The following BRINP2 variants were observed in gnomAD, a reference collection of about 807,000 sequenced individuals.
BRINP2 encodes BMP/retinoic acid inducible neural specific 2, also known as BMP/retinoic acid-inducible neural-specific protein 2.
In BRINP2, 21 loss-of-function variants were observed where a neutral mutation model predicts 69.2. That is an observed-to-expected ratio of 0.30 (90% CI 0.22 to 0.44). BRINP2 has a LOEUF of 0.44. Among genes scored for constraint, BRINP2 ranks in the 20% least tolerant of loss-of-function variants. The pLI, the probability that BRINP2 is intolerant of heterozygous loss-of-function variation, is 1.00. For missense variants in BRINP2, 877 were observed against 986.0 expected (o/e 0.89, Z 1.48); for synonymous variants, 380 against 394.1 (o/e 0.96, Z 0.42).
intron 2 of BRINP2, among the ~76,000 whole-genome samples, chr1:177,243,733 T>C (rs1008363741): frequency 6.6e-5 from 10 of 152,202 alleles, no homozygotes; most frequent in African/African-American, 2.4e-4. Context: ...TTTTTGCTCA[T>C]GTCACACTCC....
intron 1 of BRINP2, among the ~76,000 whole-genome samples, chr1:177,206,653 G>A (rs1649077922): frequency 6.6e-6 from 1 of 152,152 alleles, no homozygotes; most frequent in Non-Finnish European, 1.5e-5. Context: ...AGAACTGTGT[G>A]GAGACAGTGG....
chr1:177,172,133 T>C (rs1412171662), intron 1 of BRINP2, among the ~76,000 whole-genome samples: 1 of 152,234 alleles, frequency 6.6e-6, no homozygotes, highest in Non-Finnish European at 1.5e-5. Flanking sequence ...TCATTATGTT[T>C]GGGAAGGAGC....
intron 6 of BRINP2, among the ~76,000 whole-genome samples, 176 bp from the exon 7 acceptor site, chr1:177,278,387 A>G (rs1651570531): frequency 6.6e-6 from 1 of 152,142 alleles, no homozygotes; most frequent in Non-Finnish European, 1.5e-5. Flanking sequence ...CAACATGTTA[A>G]TTATTTCTCA....
intron 1 of BRINP2, among the ~76,000 whole-genome samples, chr1:177,209,421 G>C (rs567240295): frequency 6.6e-6 from 1 of 152,096 alleles, no homozygotes; most frequent in Non-Finnish European, 1.5e-5. Flanking sequence ...TCTTCCTGCT[G>C]AATCACCAGC....
intron 6 of BRINP2, among the ~76,000 whole-genome samples, chr1:177,277,193 T>C (rs1651527944): frequency 1.3e-5 from 2 of 149,026 alleles, no homozygotes; most frequent in South Asian, 4.1e-4. Flanking sequence ...CATATAATAC[T>C]ATAATTTATT....
chr1:177,258,934 A>G (rs1270055413), intron 4 of BRINP2, among the ~76,000 whole-genome samples: 2 of 152,144 alleles, frequency 1.3e-5, no homozygotes, highest in Non-Finnish European at 2.9e-5. Context: ...AATTAGGCCA[A>G]TTATTAACCT....
At chr1:177,247,896 C>A (rs1650433726) in intron 2 of BRINP2, among the ~76,000 whole-genome samples, 1 of 152,162 alleles carries the variant, frequency 6.6e-6, no homozygotes, top group African/African-American at 2.4e-5. Flanking sequence ...CAAATGTCTC[C>A]TAGTATGCAG....
In BRINP2 at chr1:177,281,203, G is replaced by T. The variant is rs201432278; in HGVS notation, c.2027G>T (p.Gly676Val). The T allele has an allele frequency of 3.1e-6, 5 of 1,614,160 alleles. No homozygotes were observed. Among genetic ancestry groups the T allele is most frequent in the South Asian group, 1.1e-5 (1 of 91,082 alleles). Residue 676 changes from glycine (G) to valine (V), a missense_variant, in exon 8 of 8, where the codon GGT becomes GTT. By Grantham distance (109) the Gly-to-Val change is moderately radical. This residue lies in a region of BRINP2 where 225 missense variants were observed against 218.7 expected (regional missense o/e 1.03). Transcript: ENST00000361539. ...ATGACTGATCCCTCTAAGAATTTGG[G>T]TTACATGAAAATTAACACCTTGCAG... ...LEMTDPSKNL[G>V]YMKINTLQVF...
At chr1:177,230,205 T>C in intron 2 of BRINP2, 60 bp downstream of exon 2, 1 of 1,514,796 alleles carries the variant, frequency 6.6e-7, no homozygotes, top group Middle Eastern at 1.8e-4. Context: ...GCACAGGCCC[T>C]GCTGGTGTGC....
At chr1:177,178,135 C>A (rs967892901) in intron 1 of BRINP2, among the ~76,000 whole-genome samples, 4 of 152,226 alleles carry the variant, frequency 2.6e-5, no homozygotes, top group Non-Finnish European at 5.9e-5. Context: ...CCTCGTGCTA[C>A]TGTCTGATGC....
Position 177,281,222 on chromosome 1 carries a change from C to A in BRINP2, c.2046C>A (p.Thr682=). The A allele has an allele frequency of 6.2e-7, 1 of 1,614,166 alleles. No homozygotes were observed. Among genetic ancestry groups the A allele is most frequent in the Non-Finnish European group, 8.5e-7 (1 of 1,180,026 alleles). ...SKNLGYMKIN[T]LQVFGYSLPF... ...ATTTGGGTTACATGAAAATTAACAC[C>A]TTGCAGGTCTTTGGCTACAGCCTGC... Residue 682 remains threonine, a synonymous_variant, in exon 8 of 8, where the codon ACC becomes ACA. Coordinates refer to ENST00000361539, the MANE Select transcript of BRINP2 (RefSeq NM_021165.4).
At chr1:177,224,328 A>C (rs1049741143) in intron 1 of BRINP2, among the ~76,000 whole-genome samples, 3 of 152,360 alleles carry the variant, frequency 2.0e-5, no homozygotes, top group Non-Finnish European at 4.4e-5. Flanking sequence ...TCACTGCTCC[A>C]GCAGGCAAAA....
At chr1:177,228,224 G>A (rs933235460) in intron 1 of BRINP2, among the ~76,000 whole-genome samples, 2 of 152,174 alleles carry the variant, frequency 1.3e-5, no homozygotes, top group African/African-American at 4.8e-5. Context: ...AAGGAATGAC[G>A]CTGAACGTCC....
intron 2 of BRINP2, among the ~76,000 whole-genome samples, chr1:177,249,487 A>G (rs1650512531): frequency 6.6e-6 from 1 of 152,212 alleles, no homozygotes; most frequent in South Asian, 2.1e-4. Flanking sequence ...CATAGGGACT[A>G]TAGGGCTGTT....
In BRINP2 at chr1:177,276,316, G is replaced by A. The variant is rs1425732591; in HGVS notation, c.894G>A (p.Lys298=). 6.2e-7 allele frequency: 1 copy of A among 1,614,212 alleles called. No individual in the cohort carries two copies. The highest frequency in any genetic ancestry group is 1.1e-5 in the South Asian group (1 of 91,082). The change falls in exon 6 of 8, where the codon AAG becomes AAA. Residue 298 remains lysine, a synonymous_variant. Transcript: ENST00000361539. The part of the protein sequence containing the change: ...LVCKENDCWC[K]CSPTFPECNC... ...GCAAGGAGAATGACTGCTGGTGCAA[G>A]TGCAGCCCCACCTTCCCTGAATGCA...
intron 1 of BRINP2, among the ~76,000 whole-genome samples, chr1:177,221,263 T>C (rs746472699): frequency 1.1e-4 from 17 of 152,158 alleles, no homozygotes; most frequent in Non-Finnish European, 1.9e-4. Flanking sequence ...GCATGGAAAG[T>C]GTTTAGATTG....
Position 177,280,503 on chromosome 1 carries a change from T to C in BRINP2, c.1327T>C (p.Cys443Arg), listed in dbSNP as rs1168195575. 6.2e-7 allele frequency: 1 copy of C among 1,614,242 alleles called. No homozygotes were observed. The highest frequency in any genetic ancestry group is 8.5e-7 in the Non-Finnish European group (1 of 1,180,042). Residue 443 changes from cysteine (C) to arginine (R), a missense_variant, in exon 8 of 8, where the codon TGC becomes CGC. Cys to Arg is a radical substitution (Grantham distance 180). Around this residue, in one of 3 missense-constraint regions of BRINP2, gnomAD observed 566 missense variants for 625.2 expected, o/e 0.91. Coordinates refer to ENST00000361539, the MANE Select transcript of BRINP2 (RefSeq NM_021165.4). Reference sequence around the variant, plus strand: ...CACTTTCCTGGAACAGAGCCACAGCTGCACCTGCCCCTATGACCAATCTTC... The same window carrying C: ...CACTTTCCTGGAACAGAGCCACAGCCGCACCTGCCCCTATGACCAATCTTC... ...PGTFLEQSHS[C>R]TCPYDQSSCQ...
chr1:177,187,672 G>T (rs887010614), intron 1 of BRINP2, among the ~76,000 whole-genome samples: 1 of 152,232 alleles, frequency 6.6e-6, no homozygotes, highest in South Asian at 2.1e-4. Flanking sequence ...TCGGTATGTC[G>T]ACTTCCGCTC....
chr1:177,192,745 C>A (rs1264656455), intron 1 of BRINP2, among the ~76,000 whole-genome samples: 1 of 152,142 alleles, frequency 6.6e-6, no homozygotes, highest in Non-Finnish European at 1.5e-5. Context: ...TTTACCCAAC[C>A]CTTTCTACAA....
Sources: gnomAD v4.1 joint callset for allele counts (sites outside exome capture counted in the v4.1 genomes callset) on GRCh38, gnomAD v4.1.1 for gene constraint, gnomAD v4.1.1 regional missense constraint, MANE v1.5 for transcripts, NCBI Gene and HGNC (gene_info 2026-07-23, HGNC 2026-07-21) for gene names.